The following PHF21A variants were observed in gnomAD, a reference collection of about 807,000 sequenced individuals.
The protein encoded by PHF21A is PHD finger protein 21A, also known as BHC80a.
PHF21A carries 11 observed loss-of-function variants against 82.5 expected under a neutral mutation model. That is an observed-to-expected ratio of 0.13 (90% CI 0.08 to 0.22). The LOEUF is 0.22. PHF21A is among the 10% of genes least tolerant of loss of function. The probability of loss-of-function intolerance (pLI) is 1.00; values close to 1 mark genes in which losing one functional copy is unlikely to be tolerated. For synonymous variants in PHF21A, 297 were observed against 302.8 expected (o/e 0.98, Z 0.20); for missense variants, 579 against 837.8 (o/e 0.69, Z 3.81).
intron 6 of PHF21A, among the ~76,000 whole-genome samples, chr11:45,990,367 TC>T (rs1441481031): frequency 7.1e-6 from 1 of 141,702 alleles, no homozygotes; most frequent in East Asian, 2.1e-4. Context: ...CAAGTGATCC[TC>T]CCACCTCAGC....
At chr11:46,112,374 G>A (rs1037199602) in intron 1 of PHF21A, among the ~76,000 whole-genome samples, 2 of 152,164 alleles carry the variant, frequency 1.3e-5, no homozygotes, top group Admixed American at 6.5e-5. Flanking sequence ...TGCTGCTGCT[G>A]CTAATTCTAA....
intron 1 of PHF21A, among the ~76,000 whole-genome samples, chr11:46,116,414 T>C (rs375840628): frequency 4.0e-4 from 61 of 152,332 alleles, no homozygotes; most frequent in African/African-American, 1.4e-3. Flanking sequence ...CCATGACATC[T>C]GTTACTCTGT....
chr11:46,107,500 T>C (rs2097165176), intron 1 of PHF21A, among the ~76,000 whole-genome samples: 1 of 152,222 alleles, frequency 6.6e-6, no homozygotes, highest in Non-Finnish European at 1.5e-5. Flanking sequence ...GACTACTCTA[T>C]AGTTTAAATA....
rs959013402 is a variant in PHF21A at position 45,957,853 on chromosome 11, G to T, written c.997-4228C>A. On this transcript the variant is annotated intron_variant, in intron 10 of 18. Transcript: ENST00000676320. ...CAACAAAACCAAAAGGTGAATCTTC[G>T]AAAAGAATAACAAAATCGACAAACC... Among the ~76,000 whole-genome samples the T allele has an allele frequency of 4.0e-5, 6 of 150,876 alleles. No homozygotes were observed. The South Asian group carries it at 6.3e-4, about 16-fold the overall frequency.
rs181273566 is a variant in PHF21A, at chr11:46,087,954, G to A, written c.-84+2501C>T. ...TATTTTTTTGTAGTGACAGGGTTTC[G>A]CCATGTTGCCTAGGCTGGTCTTGAG... On this transcript the variant is annotated intron_variant, in intron 3 of 18. Transcript: ENST00000676320. Among the ~76,000 whole-genome samples, 33 of 151,908 alleles carry A rather than the reference G, an allele frequency of 2.2e-4. No homozygotes were observed. In the East Asian group the frequency reaches 6.2e-3, roughly 29 times the overall value.
At chr11:46,063,513 T>C (rs1027089487) in intron 6 of PHF21A, among the ~76,000 whole-genome samples, 1 of 152,156 alleles carries the variant, frequency 6.6e-6, no homozygotes, top group African/African-American at 2.4e-5. Flanking sequence ...TCTAATAATT[T>C]TACAAAAACA....
At chr11:45,966,934 A>C (rs2093473296) in intron 9 of PHF21A, among the ~76,000 whole-genome samples, 1 of 152,098 alleles carries the variant, frequency 6.6e-6, no homozygotes, top group South Asian at 2.1e-4. Context: ...AGTATTTTTC[A>C]AACTTTTAAA....
chr11:46,061,970 G>C (rs962493082), intron 6 of PHF21A, among the ~76,000 whole-genome samples: 1 of 152,134 alleles, frequency 6.6e-6, no homozygotes, highest in African/African-American at 2.4e-5. Context: ...TTCTATACTG[G>C]AAATCACTGC....
At chr11:46,000,267 A>C (rs1023828083) in intron 6 of PHF21A, among the ~76,000 whole-genome samples, 3 of 152,208 alleles carry the variant, frequency 2.0e-5, no homozygotes, top group Admixed American at 6.5e-5. Flanking sequence ...TATGCCAAGG[A>C]ATACAGTGTT....
At chr11:45,978,806 C>T (rs999627512) in intron 7 of PHF21A, among the ~76,000 whole-genome samples, 2 of 152,046 alleles carry the variant, frequency 1.3e-5, no homozygotes, top group Non-Finnish European at 1.5e-5. Flanking sequence ...GATTGCCTCA[C>T]GATTCTTAAA....
intron 11 of PHF21A, among the ~76,000 whole-genome samples, chr11:45,950,981 G>A (rs1591128320): frequency 6.6e-6 from 1 of 152,146 alleles, no homozygotes. Context: ...AAAAATTATG[G>A]AGCAATTTCT....
chr11:45,960,252 C>A (rs558512932), intron 10 of PHF21A, among the ~76,000 whole-genome samples: 110 of 152,166 alleles, frequency 7.2e-4, no homozygotes, highest in Non-Finnish European at 1.2e-3. Flanking sequence ...GAACTATGCA[C>A]AATAGCCAAA....
intron 10 of PHF21A, among the ~76,000 whole-genome samples, chr11:45,956,763 C>CA (rs1252405472): frequency 2.0e-5 from 3 of 151,892 alleles, no homozygotes; most frequent in Non-Finnish European, 4.4e-5. Flanking sequence ...AAATGAAGAA[C>CA]AAAAAACGTA....
At chr11:46,112,449 T>C (rs1324696236) in intron 1 of PHF21A, among the ~76,000 whole-genome samples, 1 of 152,210 alleles carries the variant, frequency 6.6e-6, no homozygotes, top group African/African-American at 2.4e-5. Flanking sequence ...TTTTAACAAT[T>C]AATCCCTGTA....
At chr11:46,052,359 C>A (rs1235038999) in intron 6 of PHF21A, among the ~76,000 whole-genome samples, 2 of 152,146 alleles carry the variant, frequency 1.3e-5, no homozygotes, top group Admixed American at 6.6e-5. Flanking sequence ...GCAGCTATAT[C>A]CCTGAACTTA....
intron 1 of PHF21A, among the ~76,000 whole-genome samples, chr11:46,098,722 A>C (rs1193111152): frequency 6.6e-6 from 1 of 152,224 alleles, no homozygotes; most frequent in East Asian, 1.9e-4. Context: ...TGTCATTAAC[A>C]ACAAAAAAAC....
intron 6 of PHF21A, among the ~76,000 whole-genome samples, chr11:46,067,102 ATTAC>A (rs954719944): frequency 2.6e-5 from 4 of 152,188 alleles, no homozygotes; most frequent in Non-Finnish European, 4.4e-5. Flanking sequence ...TTACTTATGT[ATTAC>A]TTACTAATGC....
chr11:46,078,353 C>T (rs2096752297), intron 5 of PHF21A, among the ~76,000 whole-genome samples: 1 of 152,056 alleles, frequency 6.6e-6, no homozygotes, highest in African/African-American at 2.4e-5. Context: ...TACTGTTTAT[C>T]AACCCAGATA....
chr11:46,005,732 A>T (rs750849608), intron 6 of PHF21A, among the ~76,000 whole-genome samples: 4 of 152,208 alleles, frequency 2.6e-5, no homozygotes, highest in Non-Finnish European at 1.5e-5. Flanking sequence ...TGAATAAAAG[A>T]ATAATATTTG....
Sources: allele counts gnomAD v4.1 joint callset (sites outside exome capture counted in the v4.1 genomes callset), GRCh38; gene constraint gnomAD v4.1.1; transcripts MANE v1.5; gene names NCBI Gene and HGNC (gene_info 2026-07-23, HGNC 2026-07-21).